The following MYO16 variants were observed in gnomAD, a reference collection of about 807,000 sequenced individuals.
MYO16 encodes the protein unconventional myosin-XVI.
MYO16 carries 94 observed loss-of-function variants against 205.3 expected under a neutral mutation model. The ratio of observed to expected loss-of-function variants is 0.46; its 90% CI spans 0.39 to 0.54. The LOEUF is 0.54. Ranked by LOEUF, MYO16 falls within the 20% of genes least tolerant of loss-of-function variation. The pLI is 0.00. For synonymous variants in MYO16, 988 were observed against 954.0 expected (o/e 1.04, Z -0.66); for missense variants, 2,315 against 2,387.5 (o/e 0.97, Z 0.63).
chr13:109,057,552 C>A (rs1887453194), intron 27 of MYO16, among the ~76,000 whole-genome samples: 2 of 152,060 alleles, frequency 1.3e-5, no homozygotes, highest in South Asian at 4.2e-4. Context: ...TGTTGCAGGG[C>A]TTTGGGAAGG....
chr13:108,695,311 T>C (rs7984522), intron 2 of MYO16, among the ~76,000 whole-genome samples: 35,059 of 152,082 alleles, frequency 0.23, 4,619 homozygotes, highest in East Asian at 0.45. Flanking sequence ...TTGGAACCCT[T>C]GTTGAAAATC....
intron 34 of MYO16, among the ~76,000 whole-genome samples, chr13:109,183,264 T>C (rs1879533439): frequency 6.6e-6 from 1 of 152,206 alleles, no homozygotes; most frequent in Non-Finnish European, 1.5e-5. Flanking sequence ...AAGAATGACT[T>C]CTTCGCATTT....
intron 4 of MYO16, among the ~76,000 whole-genome samples, chr13:108,754,073 A>T (rs1885338998): frequency 6.6e-6 from 1 of 152,224 alleles, no homozygotes; most frequent in African/African-American, 2.4e-5. Flanking sequence ...CAGCTATAGC[A>T]TGCAGAACAA....
intron 4 of MYO16, among the ~76,000 whole-genome samples, chr13:108,776,299 A>G (rs1886122886): frequency 6.6e-6 from 1 of 152,176 alleles, no homozygotes. Flanking sequence ...AGAAAAAAGC[A>G]TGGGAAACTA....
intron 34 of MYO16, among the ~76,000 whole-genome samples, chr13:109,183,147 T>G (rs980247773): frequency 4.6e-5 from 7 of 152,050 alleles, no homozygotes; most frequent in Middle Eastern, 3.2e-3. Flanking sequence ...GAGATTTTAC[T>G]TTTTTTAAAA....
At chr13:108,655,642 C>T (rs572872486) in intron 1 of MYO16, among the ~76,000 whole-genome samples, 2 of 152,126 alleles carry the variant, frequency 1.3e-5, no homozygotes, top group South Asian at 2.1e-4. Flanking sequence ...GGAAAAGTCG[C>T]AGGCACTCAA....
At chr13:109,088,673 CG>C (rs1888520920) in intron 27 of MYO16, among the ~76,000 whole-genome samples, 1 of 152,332 alleles carries the variant, frequency 6.6e-6, no homozygotes, top group Admixed American at 6.5e-5. Context: ...GCCTGAGAGG[CG>C]GCGGTTGCGG....
intron 2 of MYO16, among the ~76,000 whole-genome samples, chr13:108,706,840 C>A (rs1255150271): frequency 6.6e-6 from 1 of 152,112 alleles, no homozygotes; most frequent in Non-Finnish European, 1.5e-5. Context: ...AAAGCCATGG[C>A]CAAAGTGACA....
At chr13:109,071,854 C>T (rs769591540) in intron 27 of MYO16, among the ~76,000 whole-genome samples, 70 of 152,138 alleles carry the variant, frequency 4.6e-4, no homozygotes, top group Admixed American at 2.0e-3. Context: ...ACATTTGAGG[C>T]AAGTATACAC....
intron 9 of MYO16, among the ~76,000 whole-genome samples, chr13:108,835,379 C>T (rs752598590): frequency 2.6e-5 from 4 of 152,188 alleles, no homozygotes; most frequent in African/African-American, 4.8e-5. Flanking sequence ...TTTCCTGAGG[C>T]CTCTTCAGCC....
chr13:108,683,223 A>G (rs571673454), intron 2 of MYO16, among the ~76,000 whole-genome samples: 2 of 152,302 alleles, frequency 1.3e-5, no homozygotes, highest in African/African-American at 4.8e-5. Context: ...AATTCTCGAT[A>G]TAAGTGCCTT....
At chr13:109,063,672 G>A (rs963533854) in intron 27 of MYO16, among the ~76,000 whole-genome samples, 1 of 152,140 alleles carries the variant, frequency 6.6e-6, no homozygotes, top group African/African-American at 2.4e-5. Flanking sequence ...TGTTATAGCA[G>A]CCCACCCCAA....
the MYO16 span, among the ~76,000 whole-genome samples, chr13:108,560,123 T>G: frequency 6.6e-6 from 1 of 152,230 alleles, no homozygotes; most frequent in South Asian, 2.1e-4. Flanking sequence ...AGATTTTCTT[T>G]TCTAATGTTG....
chr13:108,947,305 C>T (rs1254597272), intron 16 of MYO16, among the ~76,000 whole-genome samples: 15 of 152,114 alleles, frequency 9.9e-5, no homozygotes, highest in Admixed American at 9.8e-4. Flanking sequence ...CCTGTTCAGC[C>T]TCGCCTGCGG....
intron 4 of MYO16, among the ~76,000 whole-genome samples, chr13:108,774,021 G>A (rs1475779409): frequency 6.6e-6 from 1 of 152,120 alleles, no homozygotes; most frequent in Non-Finnish European, 1.5e-5. Flanking sequence ...CACCTGGGAG[G>A]AGGAGGTTGC....
chr13:108,611,188 A>G (rs1408345958), intron 1 of MYO16, among the ~76,000 whole-genome samples: 2 of 152,188 alleles, frequency 1.3e-5, no homozygotes, highest in African/African-American at 4.8e-5. Flanking sequence ...CATAAAATAT[A>G]AAGAGACAAT....
chr13:108,527,535 G>A, the MYO16 span, among the ~76,000 whole-genome samples: 1 of 152,134 alleles, frequency 6.6e-6, no homozygotes, highest in Non-Finnish European at 1.5e-5. Flanking sequence ...CAAAGAATAT[G>A]AGGCTTATAA....
chr13:108,651,855 C>G (rs1881020063), intron 1 of MYO16, among the ~76,000 whole-genome samples: 1 of 152,068 alleles, frequency 6.6e-6, no homozygotes. Context: ...TTTCTTTCAA[C>G]TATTTATTGC....
At chr13:108,874,038 C>T (rs1879205200) in intron 12 of MYO16, among the ~76,000 whole-genome samples, 1 of 152,190 alleles carries the variant, frequency 6.6e-6, no homozygotes, top group Admixed American at 6.5e-5. Context: ...CTTACAGTGT[C>T]CTCATCCTTG....
Sources: gnomAD v4.1 joint callset for allele counts (sites outside exome capture counted in the v4.1 genomes callset) on GRCh38, gnomAD v4.1.1 for gene constraint, MANE v1.5 for transcripts, NCBI Gene and HGNC (gene_info 2026-07-23, HGNC 2026-07-21) for gene names.